KLHL26: variants seen among roughly 807,000 people sequenced by gnomAD.
KLHL26 encodes kelch like family member 26, also known as kelch-like protein 26.
A neutral mutation model predicts 7.1 loss-of-function variants in KLHL26; 4 were observed. That is an observed-to-expected ratio of 0.56 (90% confidence interval 0.28 to 1.28). The LOEUF is 1.28. KLHL26 is among the 50% of genes most tolerant of loss of function. KLHL26 has a pLI of 0.11. For missense variants in KLHL26, 896 were observed against 924.6 expected (o/e 0.97, Z 0.40); for synonymous variants, 465 against 414.1 (o/e 1.12, Z -1.49).
Position 18,669,482 on chromosome 19 carries a change from G to A in KLHL26, c.*237G>A, listed in dbSNP as rs2052503329. 2 of 572,940 alleles carry A rather than the reference G, an allele frequency of 3.5e-6. No homozygotes were observed. Among genetic ancestry groups the A allele is most frequent in the East Asian group, 5.9e-5 (2 of 34,066 alleles). 35.5% of individuals were successfully genotyped at this position (572,940 alleles called of 1,614,324 possible). A position where few individuals can be genotyped will look rare whatever the true frequency, so the allele number is the denominator to read the frequency against. On this transcript the variant is annotated 3_prime_UTR_variant, in exon 3 of 3. Coordinates refer to ENST00000300976, the MANE Select transcript of KLHL26 (RefSeq NM_018316.3). ...GCAAAGCGTCTGACATGTGGTGGCA[G>A]CAAATTCGTCCCCGGGGTGGTTTCC...
intron 1 of KLHL26, among the ~76,000 whole-genome samples, chr19:18,658,986 T>C (rs2052364347): frequency 6.6e-6 from 1 of 152,038 alleles, no homozygotes; most frequent in Non-Finnish European, 1.5e-5. Flanking sequence ...TGTCTCCTTC[T>C]CTCTGGGTCT....
chr19:18,667,589 C>A, intron 2 of KLHL26, 75 bp from the exon 3 acceptor site: 1 of 1,546,394 alleles, frequency 6.5e-7, no homozygotes, highest in South Asian at 1.2e-5. Flanking sequence ...TACTGTTCCC[C>A]AGGCCAGATC....
At position 18,664,380 on chromosome 19, in the gene KLHL26, C is replaced by T. The variant is rs1323558147; in HGVS notation, c.203C>T (p.Thr68Ile). 9.3e-6 allele frequency: 15 copies of T among 1,608,680 alleles called. No homozygotes were observed. Among genetic ancestry groups the T allele is most frequent in the Non-Finnish European group, 1.2e-5 (14 of 1,179,014 alleles). ...GGCCAGCTCCTCGATGTTGTGCTGA[C>T]TATTAACAGAGAGGCCTTTCCTGCA... ...AQGQLLDVVL[T>I]INREAFPAHK... Residue 68 changes from threonine to isoleucine, a missense_variant, in exon 2 of 3, where the codon ACT (threonine) becomes ATT (isoleucine). Transcript: ENST00000300976.
chr19:18,664,228 T>C (rs756219686), intron 1 of KLHL26, 33 bp from the exon 2 acceptor site: 2 of 1,562,112 alleles, frequency 1.3e-6, no homozygotes, highest in Admixed American at 1.8e-5. Context: ...TGTGAACCTC[T>C]GGGCCATGTC....
In KLHL26 at chr19:18,646,737, T is replaced by C. The variant is rs1976808551; in HGVS notation, c.83+9600T>C. On this transcript the variant is annotated intron_variant, in intron 1 of 2. Coordinates refer to ENST00000300976, the MANE Select transcript of KLHL26 (RefSeq NM_018316.3). This position sits in a 1 kb window ranked among gnomAD's most constrained non-coding sequence, Gnocchi z 5.0. The stretch of plus-strand genomic sequence containing the variant: ...TCTGCCCGCCATGCCCGCATGGGCC[T>C]TGAGGGGATCGTCAATGCCAGCAAG... Among the ~76,000 whole-genome samples the C allele has an allele frequency of 6.6e-6, 1 of 152,216 alleles. No individual in the cohort carries two copies. The highest frequency in any genetic ancestry group is 2.1e-4 in the South Asian group (1 of 4,830).
At position 18,668,879 on chromosome 19, in the gene KLHL26, G is replaced by A; in HGVS notation, c.1482G>A (p.Met494Ile). ...ACCAGTGGGAGTTCAAGGCGCCCATGAGCGAACCCCGCGTGCTACACGCCA... is the reference window on the plus strand; with the variant it reads ...ACCAGTGGGAGTTCAAGGCGCCCATAAGCGAACCCCGCGTGCTACACGCCA... Reference protein sequence around the residue: ...VADQWEFKAPMSEPRVLHAMV... With the variant: ...VADQWEFKAPISEPRVLHAMV... The change falls in exon 3 of 3, where the codon ATG becomes ATA. Residue 494 changes from methionine (M) to isoleucine (I), a missense_variant. Physicochemically the swap from Met to Ile is conservative, Grantham distance 10. Coordinates refer to ENST00000300976, the MANE Select transcript of KLHL26 (RefSeq NM_018316.3). 1 of 1,596,520 alleles carries A rather than the reference G, an allele frequency of 6.3e-7. No homozygotes were observed. The highest frequency in any genetic ancestry group is 8.5e-7 in the Non-Finnish European group (1 of 1,176,714).
intron 1 of KLHL26, 83 bp from the exon 2 acceptor site, chr19:18,664,178 C>A: frequency 1.5e-6 from 2 of 1,307,422 alleles, no homozygotes; most frequent in Non-Finnish European, 2.1e-6. Flanking sequence ...TTGTGTCTGG[C>A]TTCTTGCACT....
At position 18,668,724 on chromosome 19, in the gene KLHL26, G is replaced by T; in HGVS notation, c.1327G>T (p.Ala443Ser). 1 of 1,579,214 alleles carries T rather than the reference G, an allele frequency of 6.3e-7. No individual in the cohort carries two copies. The highest frequency in any genetic ancestry group is 1.8e-5 in the Admixed American group (1 of 56,808). Residue 443 changes from alanine to serine, a missense_variant, in exon 3 of 3, where the codon GCC (alanine) becomes TCC (serine). Physicochemically the swap from Ala to Ser is moderately conservative, Grantham distance 99 (BLOSUM62 1). Transcript: ENST00000300976. ...CCCCCGGCGCAATGAGTGGGGCTAC[G>T]CCTGCTCGCTGAAGCGCCGTACCTG... is the stretch of plus-strand genomic sequence containing the variant. ...YCPRRNEWGY[A>S]CSLKRRTWGH...
rs1353833881 is a variant in KLHL26, at chr19:18,667,178, G to A, written c.267-486G>A. Among the ~76,000 whole-genome samples, 5 of 146,960 alleles carry A rather than the reference G, an allele frequency of 3.4e-5. No individual in the cohort carries two copies. In the East Asian group the frequency reaches 7.9e-4, roughly 23 times the overall value. ...TTTTGCATGTTTTTTTTGTTTGTTT[G>A]AGACAGAGTCTCACTCTTATTGTCC... is the stretch of plus-strand genomic sequence containing the variant. On this transcript the variant is annotated intron_variant, in intron 2 of 2. Coordinates refer to ENST00000300976, the MANE Select transcript of KLHL26 (RefSeq NM_018316.3).
chr19:18,669,297 G>GC lies in KLHL26; in HGVS notation c.*53dup, dbSNP rs769036894. 1 of 1,462,066 alleles carries GC rather than the reference G, an allele frequency of 6.8e-7. No homozygotes were observed. Among genetic ancestry groups the GC allele is most frequent in the Non-Finnish European group, 9.4e-7 (1 of 1,067,814 alleles). The allele number at this position is 1,462,066 out of a possible 1,614,324, so 90.6% of individuals were successfully genotyped here. On this transcript the variant is annotated 3_prime_UTR_variant, in exon 3 of 3. Transcript: ENST00000300976. ...TGACCGCATGTTGTCTCCAAGTGGG[G>GC]CTTGGCGAATGCACGTCTGCCTGAG...
chr19:18,650,475 A>C lies in KLHL26; in HGVS notation c.83+13338A>C, dbSNP rs1208412615. ...CAGGACTGAAGTTCGAGTTGGAAGC[A>C]CGCGTTCTCCTTGGTGAAGTCCGTC... is the stretch of plus-strand genomic sequence containing the variant. On this transcript the variant is annotated intron_variant, in intron 1 of 2. Transcript: ENST00000300976. This position sits in a 1 kb window ranked among gnomAD's most constrained non-coding sequence, Gnocchi z 4.2. 6.6e-6 allele frequency among the ~76,000 whole-genome samples: 1 copy of C among 152,128 alleles called. No individual in the cohort carries two copies. The highest frequency in any genetic ancestry group is 1.5e-5 in the Non-Finnish European group (1 of 68,020).
intron 1 of KLHL26, among the ~76,000 whole-genome samples, chr19:18,659,156 T>C (rs2052366397): frequency 6.6e-6 from 1 of 152,208 alleles, no homozygotes; most frequent in Non-Finnish European, 1.5e-5. Flanking sequence ...TCTCTGGGTC[T>C]CTGTCCCCTC....
intron 1 of KLHL26, among the ~76,000 whole-genome samples, chr19:18,655,750 T>TCATGCTATGGAGGCAGAGAG (rs1555767925): frequency 1.3e-4 from 20 of 152,210 alleles, no homozygotes; most frequent in Admixed American, 1.3e-4. Flanking sequence ...CCCCTTGTCT[T>TCATGCTATGGAGGCAGAGAG]CTGGGCCTTT....
At chr19:18,653,408 CT>C (rs1193626452) in intron 1 of KLHL26, among the ~76,000 whole-genome samples, 2 of 133,598 alleles carry the variant, frequency 1.5e-5, no homozygotes, top group East Asian at 2.3e-4. Flanking sequence ...CCACCTGCCC[CT>C]ATCCACCCAT....
In KLHL26 at chr19:18,670,782, C is replaced by T; in HGVS notation, c.*1537C>T. 1 of 152,442 alleles carries T rather than the reference C, an allele frequency of 6.6e-6. No individual in the cohort carries two copies. Among genetic ancestry groups the T allele is most frequent in the South Asian group, 2.1e-4 (1 of 4,826 alleles). 9.4% of individuals were successfully genotyped at this position (152,442 alleles called of 1,614,324 possible). ...AGTGCAGTGGCGTGATCTCGGCTCACTGCAACCTCTGCCTCCTGGGTTCAA... is the reference window on the plus strand; with the variant it reads ...AGTGCAGTGGCGTGATCTCGGCTCATTGCAACCTCTGCCTCCTGGGTTCAA... On this transcript the variant is annotated 3_prime_UTR_variant, in exon 3 of 3. Transcript: ENST00000300976.
In KLHL26 at chr19:18,668,916, G is replaced by T. The variant is rs1054050966; in HGVS notation, c.1519G>T (p.Gly507Cys). Reference protein sequence around the residue: ...PRVLHAMVGAGGRIYALGGRM... With the variant: ...PRVLHAMVGACGRIYALGGRM... ...CGTGCTACACGCCATGGTGGGTGCC[G>T]GCGGCCGCATCTATGCCCTCGGGGG... Residue 507 changes from glycine (G) to cysteine (C), a missense_variant, in exon 3 of 3, where the codon GGC (glycine) becomes TGC (cysteine). Gly to Cys is a radical substitution (Grantham distance 159). Transcript: ENST00000300976. 3 of 1,605,966 alleles carry T rather than the reference G, an allele frequency of 1.9e-6. No homozygotes were observed.
intron 1 of KLHL26, among the ~76,000 whole-genome samples, chr19:18,651,106 A>G (rs1473168301): frequency 2.0e-5 from 3 of 152,124 alleles, no homozygotes; most frequent in African/African-American, 7.2e-5. Flanking sequence ...AAAAAGTGCA[A>G]GGAGACACCC....
In KLHL26 at chr19:18,648,469, T is replaced by C. The variant is rs10412858; in HGVS notation, c.83+11332T>C. 0.73 allele frequency among the ~76,000 whole-genome samples: 111,194 copies of C among 152,080 alleles called. 41,569 individuals are homozygous for C. The highest frequency in any genetic ancestry group is 0.91 in the African/African-American group (37,706 of 41,504). ...GCCTGGAGGTTGAGCTTGTGCTGACTGATAGTGGTGGCCAGTTTCTGCCCT... is the reference window on the plus strand; with the variant it reads ...GCCTGGAGGTTGAGCTTGTGCTGACCGATAGTGGTGGCCAGTTTCTGCCCT... On this transcript the variant is annotated intron_variant, in intron 1 of 2. Coordinates refer to ENST00000300976, the MANE Select transcript of KLHL26 (RefSeq NM_018316.3). This position sits in a 1 kb window ranked among gnomAD's most constrained non-coding sequence, Gnocchi z 4.9.
rs748628573 is a variant in KLHL26 at position 18,670,488 on chromosome 19, T to C, written c.*1243T>C. Reference sequence around the variant, plus strand: ...TTCCCTTTATTTAATAAAAATGTTATGGTGAAGAGATGGAGCCGGCCCAGC... The same window carrying C: ...TTCCCTTTATTTAATAAAAATGTTACGGTGAAGAGATGGAGCCGGCCCAGC... On this transcript the variant is annotated 3_prime_UTR_variant, in exon 3 of 3. Coordinates refer to ENST00000300976, the MANE Select transcript of KLHL26 (RefSeq NM_018316.3). 1 of 152,320 alleles carries C rather than the reference T, an allele frequency of 6.6e-6. No individual in the cohort carries two copies. Among genetic ancestry groups the C allele is most frequent in the South Asian group, 2.1e-4 (1 of 4,836 alleles). 9.4% of individuals were successfully genotyped at this position (152,320 alleles called of 1,614,324 possible). A position where few individuals can be genotyped will look rare whatever the true frequency, so the allele number is the denominator to read the frequency against.
Sources: gnomAD v4.1 joint callset for allele counts (sites outside exome capture counted in the v4.1 genomes callset) on GRCh38, gnomAD v4.1.1 for gene constraint, Gnocchi (gnomAD v3.1) non-coding constraint, MANE v1.5 for transcripts, NCBI Gene and HGNC (gene_info 2026-07-23, HGNC 2026-07-21) for gene names.